PISD: variants seen among roughly 807,000 people sequenced by gnomAD.
PISD encodes phosphatidylserine decarboxylase proenzyme, mitochondrial.
PISD carries 31 observed loss-of-function variants against 43.5 expected under a neutral mutation model. That is an observed-to-expected ratio of 0.71 (90% CI 0.54 to 0.96). The LOEUF (loss-of-function observed/expected upper bound fraction) is 0.96, where lower values mean the gene tolerates loss of function less well. PISD is among the 40% of genes least tolerant of loss of function. PISD has a pLI of 0.00. For synonymous variants in PISD, 259 were observed against 228.7 expected (o/e 1.13, Z -1.20); for missense variants, 523 against 548.4 (o/e 0.95, Z 0.46).
chr22:31,632,941 T>C (rs891516183), intron 3 of PISD, among the ~76,000 whole-genome samples: 1 of 152,194 alleles, frequency 6.6e-6, no homozygotes, highest in Non-Finnish European at 1.5e-5. Context: ...TATGTTTTGC[T>C]TAAAGGTGAA....
Position 31,662,152 on chromosome 22 carries a change from C to T in PISD, c.57G>A (p.Trp19Ter). The change falls in exon 1 of 8, where the codon TGG becomes TGA. Residue 19 changes from tryptophan (W) to a stop codon, truncating the protein, a stop_gained. Transcript: ENST00000439502. LOFTEE classifies it high-confidence loss of function. ...TCTCCGCGCTGCTATACCTGCTCCG[C>T]CACGGCGCGACCCCGTGCAGTAATC... is the stretch of plus-strand genomic sequence containing the variant. ...CLGLLHGVAP[W>*]RSSLHPCEIT... The T allele has an allele frequency of 6.2e-7, 1 of 1,607,478 alleles. No individual in the cohort carries two copies. The highest frequency in any genetic ancestry group is 8.5e-7 in the Non-Finnish European group (1 of 1,179,724).
chr22:31,620,050 A>C (rs1212664934), intron 7 of PISD, among the ~76,000 whole-genome samples: 1 of 152,142 alleles, frequency 6.6e-6, no homozygotes, highest in Non-Finnish European at 1.5e-5. Flanking sequence ...AACTGGGCCC[A>C]GGGAGGACAG....
intron 3 of PISD, among the ~76,000 whole-genome samples, chr22:31,637,144 A>T (rs5753736): frequency 0.032 from 548 of 17,280 alleles, 13 homozygotes; most frequent in Middle Eastern, 0.038. Context: ...TAAATAAATT[A>T]AAAAAAAAAA....
At chr22:31,662,507 A>G, upstream of PISD, 1 of 487,576 alleles carries the variant, frequency 2.1e-6, no homozygotes, top group Admixed American at 3.5e-5. Flanking sequence ...CCAAGATCCA[A>G]GAATGTCGTT....
intron 1 of PISD, among the ~76,000 whole-genome samples, chr22:31,651,350 C>G (rs2074023876): frequency 6.6e-6 from 1 of 152,152 alleles, no homozygotes; most frequent in Non-Finnish European, 1.5e-5. Flanking sequence ...TATACACACA[C>G]ATATACATAT....
chr22:31,644,947 C>T (rs1032128619), intron 3 of PISD, among the ~76,000 whole-genome samples: 2 of 151,740 alleles, frequency 1.3e-5, no homozygotes, highest in Non-Finnish European at 2.9e-5. Context: ...AGAGGGTGAA[C>T]CCCTGTCTCT....
rs144351347 is a variant in PISD, at chr22:31,629,231, C to T, written c.322-7346G>A. 3.8e-4 allele frequency: 379 copies of T among 985,066 alleles called. 1 individual carries two copies. In the African/African-American group the frequency reaches 5.7e-3, roughly 15 times the overall value. 61.0% of individuals were successfully genotyped at this position (985,066 alleles called of 1,614,324 possible). A position where few individuals can be genotyped will look rare whatever the true frequency, so the allele number is the denominator to read the frequency against. ...GGTTGGGGCCTGCAAGATTGTTGTG[C>T]GTGAGGGGTAGGTGCATGTAGGTGG... On this transcript the variant is annotated intron_variant, in intron 3 of 7. Transcript: ENST00000439502.
At chr22:31,647,833 C>T (rs1478052740) in intron 3 of PISD, among the ~76,000 whole-genome samples, 1 of 152,192 alleles carries the variant, frequency 6.6e-6, no homozygotes, top group Admixed American at 6.5e-5. Context: ...GATGTCAGCA[C>T]CAATTCAAGA....
chr22:31,651,412 A>G (rs5998071), intron 1 of PISD, among the ~76,000 whole-genome samples: 18,995 of 152,242 alleles, frequency 0.12, 1,529 homozygotes, highest in African/African-American at 0.22. Context: ...TGAGGAATCT[A>G]GGTAAAAGGT....
chr22:31,652,419 C>T (rs2074053230), intron 1 of PISD, among the ~76,000 whole-genome samples: 1 of 151,994 alleles, frequency 6.6e-6, no homozygotes. Flanking sequence ...ATGTGAGCCA[C>T]AGCACTTGGC....
At chr22:31,652,297 A>T (rs1350923352) in intron 1 of PISD, among the ~76,000 whole-genome samples, 3 of 151,710 alleles carry the variant, frequency 2.0e-5, no homozygotes, top group Non-Finnish European at 4.4e-5. Flanking sequence ...GCACCTGACT[A>T]ATTTCGTATT....
At position 31,625,742 on chromosome 22, in the gene PISD, G is replaced by A. The variant is rs543214324; in HGVS notation, c.322-3857C>T. ...CGTGGCGGGGAACCGTGGGGTTAGG[G>A]CGCGGTGGGCAGCATCTCACCATTT... On this transcript the variant is annotated intron_variant, in intron 3 of 7. Transcript: ENST00000439502. The A allele has an allele frequency of 6.4e-6, 10 of 1,570,140 alleles. No homozygotes were observed. In the East Asian group the frequency reaches 2.1e-4, roughly 33 times the overall value.
At chr22:31,650,185 A>G (rs767548801) in intron 2 of PISD, among the ~76,000 whole-genome samples, 28 of 152,298 alleles carry the variant, frequency 1.8e-4, no homozygotes, top group East Asian at 1.2e-3. Context: ...ATAATCAAAA[A>G]GACATAATGA....
chr22:31,629,202 G>T, intron 3 of PISD: 2 of 985,360 alleles, frequency 2.0e-6, no homozygotes, highest in Non-Finnish European at 2.4e-6. Context: ...GTTACTACAG[G>T]TTGGGTTGGG....
At chr22:31,631,815 C>T (rs548865518) in intron 3 of PISD, among the ~76,000 whole-genome samples, 1 of 152,314 alleles carries the variant, frequency 6.6e-6, no homozygotes, top group East Asian at 1.9e-4. Flanking sequence ...ACGCCCATTC[C>T]CTATTCAATG....
rs895519854 is a variant in PISD, at chr22:31,621,705, A to G, written c.502T>C (p.Phe168Leu). The change falls in exon 4 of 8, where the codon TTC becomes CTC. Residue 168 changes from phenylalanine (F) to leucine (L), a missense_variant. Phe to Leu is a conservative substitution (Grantham distance 22). Transcript: ENST00000439502. Reference protein sequence around the residue: ...DLHHYRNLSEFFRRKLKPQAR... With the variant: ...DLHHYRNLSELFRRKLKPQAR... Reference sequence around the variant, plus strand: ...TGCGGCTTCAGCTTGCGCCGGAAGAACTCGCTGAGGTTGCGGTAGTGATGC... The same window carrying G: ...TGCGGCTTCAGCTTGCGCCGGAAGAGCTCGCTGAGGTTGCGGTAGTGATGC... 2.4e-5 allele frequency: 38 copies of G among 1,613,810 alleles called. No homozygotes were observed. The highest frequency in any genetic ancestry group is 3.2e-5 in the Non-Finnish European group (38 of 1,180,006).
At chr22:31,623,202 C>T (rs1281581048) in intron 3 of PISD, among the ~76,000 whole-genome samples, 3 of 152,192 alleles carry the variant, frequency 2.0e-5, no homozygotes, top group Admixed American at 2.0e-4. Flanking sequence ...AAGCCAGTTC[C>T]CTTGCCCATT....
Position 31,621,725 on chromosome 22 carries a change from T to A in PISD, c.482A>T (p.His161Leu), listed in dbSNP as rs2072591867. The A allele has an allele frequency of 1.9e-6, 3 of 1,613,994 alleles. No homozygotes were observed. The African/African-American group carries it at 4.0e-5, about 22-fold the overall frequency. The change falls in exon 4 of 8, where the codon CAC becomes CTC. Residue 161 changes from histidine (H) to leucine (L), a missense_variant. Physicochemically the swap from His to Leu is moderately conservative, Grantham distance 99 (BLOSUM62 -3). Transcript: ENST00000439502. Reference protein sequence around the residue: ...MKEAAVEDLHHYRNLSEFFRR... With the variant: ...MKEAAVEDLHLYRNLSEFFRR... ...GAAGAACTCGCTGAGGTTGCGGTAGTGATGCAGGTCCTCCACAGCGGCCTC... is the reference window on the plus strand; with the variant it reads ...GAAGAACTCGCTGAGGTTGCGGTAGAGATGCAGGTCCTCCACAGCGGCCTC...
chr22:31,649,558 C>G (rs2073979501), intron 2 of PISD, among the ~76,000 whole-genome samples: 1 of 151,882 alleles, frequency 6.6e-6, no homozygotes, highest in Non-Finnish European at 1.5e-5. Context: ...ACGGTGAAAC[C>G]CCGTCTCTAC....
Sources: gnomAD v4.1 joint callset for allele counts (sites outside exome capture counted in the v4.1 genomes callset) on GRCh38, gnomAD v4.1.1 for gene constraint, MANE v1.5 for transcripts, NCBI Gene and HGNC (gene_info 2026-07-23, HGNC 2026-07-21) for gene names.